The following MEOX1 variants were observed in gnomAD, a reference collection of about 807,000 sequenced individuals.
The protein encoded by MEOX1 is mesenchyme homeobox 1.
In MEOX1, 17 loss-of-function variants were observed where a neutral mutation model predicts 23.2. The ratio of observed to expected loss-of-function variants is 0.73; its 90% confidence interval spans 0.50 to 1.10. The LOEUF (loss-of-function observed/expected upper bound fraction) is 1.10, where lower values mean the gene tolerates loss of function less well. MEOX1 is among the 50% of genes least tolerant of loss of function. The pLI is 0.00. For synonymous variants in MEOX1, 134 were observed against 135.1 expected (o/e 0.99, Z 0.06); for missense variants, 333 against 332.2 (o/e 1.00, Z -0.02).
At position 43,643,656 on chromosome 17, in the gene MEOX1, G is replaced by T; in HGVS notation, c.474C>A (p.Asn158Lys). Residue 158 changes from asparagine to lysine, a missense_variant, in exon 2 of 3, where the codon AAC becomes AAA. Transcript: ENST00000318579. ...CCTCCGGCTTCCCTCTGTTCTCCTG[G>T]TTGTCTGGGGAGAGAGGACCCCAAA... The part of the protein sequence containing the change: ...SSRRRKESSD[N>K]QENRGKPEGS... 6.2e-7 allele frequency: 1 copy of T among 1,612,416 alleles called. No homozygotes were observed. Among genetic ancestry groups the T allele is most frequent in the Non-Finnish European group, 8.5e-7 (1 of 1,179,518 alleles).
chr17:43,657,109 TTCTC>T (rs564006897), intron 1 of MEOX1, among the ~76,000 whole-genome samples: 20 of 149,322 alleles, frequency 1.3e-4, no homozygotes, highest in East Asian at 9.7e-4. Context: ...TTCTCTCTTT[TTCTC>T]TCTGTCTCCT....
chr17:43,653,999 T>C (rs1438216562), intron 1 of MEOX1, among the ~76,000 whole-genome samples: 1 of 152,034 alleles, frequency 6.6e-6, no homozygotes, highest in Non-Finnish European at 1.5e-5. Context: ...AACTGAAGGG[T>C]CTGTGCCACA....
At chr17:43,645,200 G>A (rs1430843006) in intron 1 of MEOX1, among the ~76,000 whole-genome samples, 3 of 124,722 alleles carry the variant, frequency 2.4e-5, no homozygotes, top group African/African-American at 8.9e-5. Flanking sequence ...TTTTTGAGAT[G>A]GAGTCTCGCT....
At chr17:43,643,930 C>A (rs1396119891) in intron 1 of MEOX1, among the ~76,000 whole-genome samples, 1 of 122,952 alleles carries the variant, frequency 8.1e-6, no homozygotes, top group Non-Finnish European at 1.6e-5. Context: ...GCATAAGAAG[C>A]TACTCTTGGC....
chr17:43,661,429 G>A lies in MEOX1; in HGVS notation c.106C>T (p.Pro36Ser). 1 of 1,610,822 alleles carries A rather than the reference G, an allele frequency of 6.2e-7. No individual in the cohort carries two copies. The highest frequency in any genetic ancestry group is 1.1e-5 in the South Asian group (1 of 90,926). The change falls in exon 1 of 3, where the codon CCC (proline) becomes TCC (serine). Residue 36 changes from proline to serine, a missense_variant. By Grantham distance (74) the Pro-to-Ser change is moderately conservative. Transcript: ENST00000318579. ...GAGAACGGGGTGGGCGGGTAGTGGG[G>A]TAGCCCTGAGGCCCCATTGCCTTCC... ...HSEGNGASGLPHYPPTPFSFH... is the reference protein window; with the variant it reads ...HSEGNGASGLSHYPPTPFSFH...
chr17:43,651,212 G>A (rs923163753), intron 1 of MEOX1, among the ~76,000 whole-genome samples: 8 of 152,104 alleles, frequency 5.3e-5, no homozygotes, highest in South Asian at 2.1e-4. Flanking sequence ...CCAGCTACTC[G>A]GGAGGCTGAG....
chr17:43,643,340 C>T, intron 2 of MEOX1, 148 bp downstream of exon 2: 1 of 675,394 alleles, frequency 1.5e-6, no homozygotes, highest in Non-Finnish European at 2.3e-6. Flanking sequence ...CAAAACTCCC[C>T]AGGCTATTCT....
chr17:43,654,236 T>C (rs1042907475), intron 1 of MEOX1, among the ~76,000 whole-genome samples: 2 of 151,926 alleles, frequency 1.3e-5, no homozygotes, highest in Non-Finnish European at 2.9e-5. Context: ...AAGGGGAGAT[T>C]AGGGGCTCAT....
At chr17:43,643,146 TA>T (rs58390408) in intron 2 of MEOX1, among the ~76,000 whole-genome samples, 44,875 of 146,480 alleles carry the variant, frequency 0.31, 8,065 homozygotes, top group African/African-American at 0.52. Context: ...CCGCCTCTAC[TA>T]AAAAAAAAAA....
intron 1 of MEOX1, among the ~76,000 whole-genome samples, chr17:43,645,456 C>T (rs554484300): frequency 6.6e-6 from 1 of 152,258 alleles, no homozygotes; most frequent in South Asian, 2.1e-4. Context: ...GGATTACAGG[C>T]GTGAGCCACT....
chr17:43,641,848 T>G lies in MEOX1; in HGVS notation c.*62A>C, dbSNP rs1972699499. On this transcript the variant is annotated 3_prime_UTR_variant, in exon 3 of 3. Coordinates refer to ENST00000318579, the MANE Select transcript of MEOX1 (RefSeq NM_004527.4). ...GGGAAGGAAGAGGGTGAAGGTGGGA[T>G]TGGGGTGGGGGTAGTTGGGTAGGGG... is the stretch of plus-strand genomic sequence containing the variant. 5 of 1,515,392 alleles carry G rather than the reference T, an allele frequency of 3.3e-6. No homozygotes were observed. Among genetic ancestry groups the G allele is most frequent in the Non-Finnish European group, 4.5e-6 (5 of 1,121,788 alleles). The allele number at this position is 1,515,392 out of a possible 1,614,324, so 93.9% of individuals were successfully genotyped here.
At chr17:43,653,635 G>A (rs779720053) in intron 1 of MEOX1, among the ~76,000 whole-genome samples, 5 of 151,338 alleles carry the variant, frequency 3.3e-5, no homozygotes, top group Non-Finnish European at 7.4e-5. Flanking sequence ...TCAGCCTCCT[G>A]AGTAGCTGGG....
intron 1 of MEOX1, among the ~76,000 whole-genome samples, chr17:43,658,288 C>T (rs1973075839): frequency 6.6e-6 from 1 of 152,198 alleles, no homozygotes. Context: ...GTGGGCTGAT[C>T]ACGAGGTCAG....
chr17:43,645,232 A>G (rs1448444317), intron 1 of MEOX1, among the ~76,000 whole-genome samples: 1 of 135,528 alleles, frequency 7.4e-6, no homozygotes, highest in Non-Finnish European at 1.5e-5. Context: ...GCTAGAGTGC[A>G]GTGGTGCGAT....
At chr17:43,644,334 A>G (rs1228610391) in intron 1 of MEOX1, among the ~76,000 whole-genome samples, 1 of 152,234 alleles carries the variant, frequency 6.6e-6, no homozygotes, top group Non-Finnish European at 1.5e-5. Flanking sequence ...CCAGAGGGCC[A>G]AGTCTGGAAA....
chr17:43,642,532 A>G (rs1972715640), intron 2 of MEOX1, among the ~76,000 whole-genome samples: 1 of 152,252 alleles, frequency 6.6e-6, no homozygotes, highest in Non-Finnish European at 1.5e-5. Flanking sequence ...TGATAGAGGC[A>G]GGATTTGAAT....
intron 1 of MEOX1, among the ~76,000 whole-genome samples, chr17:43,660,216 G>A (rs1467098962): frequency 2.0e-5 from 3 of 152,102 alleles, no homozygotes; most frequent in Non-Finnish European, 2.9e-5. Context: ...GGGAGGTGAG[G>A]AAGCAGCAGG....
intron 2 of MEOX1, 133 bp from the exon 3 acceptor site, chr17:43,642,165 C>T: frequency 1.1e-6 from 1 of 904,882 alleles, no homozygotes; most frequent in Non-Finnish European, 1.7e-6. Flanking sequence ...TCCCTACTCC[C>T]TCAAAGGCCC....
At chr17:43,657,498 T>C (rs1400008996) in intron 1 of MEOX1, among the ~76,000 whole-genome samples, 6 of 152,164 alleles carry the variant, frequency 3.9e-5, no homozygotes, top group Admixed American at 6.5e-5. Flanking sequence ...ACCCTTGCTT[T>C]CTTGATAATT....
Sources: gnomAD v4.1 joint callset for allele counts (sites outside exome capture counted in the v4.1 genomes callset) on GRCh38, gnomAD v4.1.1 for gene constraint, MANE v1.5 for transcripts, NCBI Gene and HGNC (gene_info 2026-07-23, HGNC 2026-07-21) for gene names.